Variants in NR3C1 observed in about 807,000 individuals in gnomAD.
The protein encoded by NR3C1 is glucocorticoid receptor.
In NR3C1, 14 loss-of-function variants were observed where a neutral mutation model predicts 74.0. The ratio of observed to expected loss-of-function variants is 0.19; its 90% CI spans 0.12 to 0.30. The LOEUF (loss-of-function observed/expected upper bound fraction) is 0.30. Ranked by LOEUF, NR3C1 falls within the 10% of genes least tolerant of loss-of-function variation. The pLI, the probability that NR3C1 is intolerant of heterozygous loss-of-function variation, is 1.00. For missense variants in NR3C1, 695 were observed against 909.8 expected (o/e 0.76, Z 3.04); for synonymous variants, 308 against 332.5 (o/e 0.93, Z 0.80).
At chr5:143,304,790 A>T (rs1488607055) in intron 4 of NR3C1, among the ~76,000 whole-genome samples, 3 of 152,176 alleles carry the variant, frequency 2.0e-5, no homozygotes, top group Non-Finnish European at 4.4e-5. Context: ...GATAAAAATA[A>T]GCCATAGGGA....
intron 3 of NR3C1, among the ~76,000 whole-genome samples, chr5:143,311,166 A>T (rs1490804093): frequency 1.3e-5 from 2 of 152,214 alleles, no homozygotes; most frequent in Non-Finnish European, 2.9e-5. Flanking sequence ...TGGACAGAAA[A>T]TGGAAGCACT....
At chr5:143,366,483 C>T (rs1192160150) in intron 2 of NR3C1, among the ~76,000 whole-genome samples, 1 of 148,930 alleles carries the variant, frequency 6.7e-6, no homozygotes, top group Admixed American at 6.7e-5. Flanking sequence ...GCACTCTAGA[C>T]TGGGTGACAA....
intron 2 of NR3C1, among the ~76,000 whole-genome samples, chr5:143,360,111 A>G (rs973872791): frequency 7.2e-5 from 11 of 152,214 alleles, no homozygotes; most frequent in African/African-American, 2.7e-4. Context: ...AAAATTTTAA[A>G]GTCACAGTTT....
chr5:143,424,533 T>A (rs1026950012), intron 1 of NR3C1, among the ~76,000 whole-genome samples: 1 of 152,026 alleles, frequency 6.6e-6, no homozygotes, highest in African/African-American at 2.4e-5. Context: ...AAAAACTTTT[T>A]AAAAGAAAAA....
chr5:143,386,101 G>C (rs1222697606), intron 2 of NR3C1, among the ~76,000 whole-genome samples: 1 of 152,192 alleles, frequency 6.6e-6, no homozygotes, highest in African/African-American at 2.4e-5. Flanking sequence ...TCACATGGCA[G>C]AGCAGGAGAG....
At chr5:143,378,208 C>T (rs1343804255) in intron 2 of NR3C1, among the ~76,000 whole-genome samples, 1 of 151,850 alleles carries the variant, frequency 6.6e-6, no homozygotes, top group Non-Finnish European at 1.5e-5. Flanking sequence ...CCAAGTTTGC[C>T]CCATTGCACT....
At chr5:143,396,030 G>T (rs529124169) in intron 2 of NR3C1, among the ~76,000 whole-genome samples, 3 of 151,868 alleles carry the variant, frequency 2.0e-5, no homozygotes, top group African/African-American at 7.2e-5. Context: ...AAAGTGGTCA[G>T]ACTAAAATAC....
rs1257579303 is a variant in NR3C1 at position 143,280,686 on chromosome 5, AC to A, written c.*1202del. The A allele has an allele frequency of 6.5e-6, 1 of 152,718 alleles. No individual in the cohort carries two copies. Among genetic ancestry groups the A allele is most frequent in the East Asian group, 1.9e-4 (1 of 5,188 alleles). 9.5% of individuals were successfully genotyped at this position (152,718 alleles called of 1,614,324 possible). On this transcript the variant is annotated 3_prime_UTR_variant, in exon 9 of 9. Coordinates refer to ENST00000394464, the MANE Select transcript of NR3C1 (RefSeq NM_000176.3). ...AAAATCAGTAGCTGAGCTTTCCTGT[AC>A]CATCAGGAAAGATTAACCAATTGGT...
intron 6 of NR3C1, among the ~76,000 whole-genome samples, chr5:143,297,838 T>C (rs998674645): frequency 1.3e-5 from 2 of 151,962 alleles, no homozygotes. Context: ...AAAGGATGGA[T>C]GGGAATGAAG....
At chr5:143,349,340 T>C (rs985831736) in intron 2 of NR3C1, among the ~76,000 whole-genome samples, 3 of 152,210 alleles carry the variant, frequency 2.0e-5, no homozygotes, top group Admixed American at 6.6e-5. Flanking sequence ...CTCTTCATGA[T>C]GACTCATCAT....
chr5:143,300,543 G>C lies in NR3C1; in HGVS notation c.1689C>G (p.Leu563=). ...PDSTWRIMTT[L]NMLGGRQVIA... ...TCACTTGCCGCCCTCCTAACATGTT[G>C]AGCGTAGTCATGATCCTCCAAGTTG... Residue 563 remains leucine (L), a synonymous_variant, in exon 5 of 9, where the codon CTC becomes CTG. Transcript: ENST00000394464. The surrounding 1 kb of genome is among the most constrained non-coding windows in gnomAD (Gnocchi z 5.2). 6.2e-7 allele frequency: 1 copy of C among 1,614,134 alleles called. No individual in the cohort carries two copies. Among genetic ancestry groups the C allele is most frequent in the Non-Finnish European group, 8.5e-7 (1 of 1,180,012 alleles).
At chr5:143,380,479 A>G (rs967864932) in intron 2 of NR3C1, among the ~76,000 whole-genome samples, 1 of 152,216 alleles carries the variant, frequency 6.6e-6, no homozygotes, top group Non-Finnish European at 1.5e-5. Context: ...CTTTAAGAAG[A>G]AGCCAAAGTA....
intron 2 of NR3C1, among the ~76,000 whole-genome samples, chr5:143,331,750 CAAAG>C (rs879799553): frequency 6.6e-6 from 1 of 152,074 alleles, no homozygotes; most frequent in Non-Finnish European, 1.5e-5. Flanking sequence ...CACAGGGACA[CAAAG>C]AAGGGAAGGA....
upstream of NR3C1, chr5:143,405,340 C>T: frequency 9.1e-6 from 9 of 985,658 alleles, no homozygotes; most frequent in Non-Finnish European, 1.1e-5. Context: ...TCACCTCCCG[C>T]CGCGCTCAGA....
intron 2 of NR3C1, among the ~76,000 whole-genome samples, chr5:143,380,425 G>A (rs1835981687): frequency 1.3e-5 from 2 of 152,090 alleles, no homozygotes; most frequent in South Asian, 4.1e-4. Context: ...TTTATTTGAA[G>A]AGGCAGAACC....
chr5:143,425,972 G>A (rs6882102), intron 1 of NR3C1, among the ~76,000 whole-genome samples: 146,998 of 152,312 alleles, frequency 0.97, 71,152 homozygotes, highest in Middle Eastern at 1. Flanking sequence ...AACAGCCTAA[G>A]TGATCAGCTC....
chr5:143,331,357 T>C (rs1233462978), intron 2 of NR3C1, among the ~76,000 whole-genome samples: 2 of 152,190 alleles, frequency 1.3e-5, no homozygotes, highest in African/African-American at 4.8e-5. Context: ...ATCCAGCCAT[T>C]GTGGAAAGCA....
At chr5:143,314,907 C>G (rs1031872550) in intron 2 of NR3C1, among the ~76,000 whole-genome samples, 2 of 152,064 alleles carry the variant, frequency 1.3e-5, no homozygotes, top group Admixed American at 6.5e-5. Context: ...TCCATTCTGC[C>G]CACTCCACTC....
upstream of NR3C1, chr5:143,405,157 G>A (rs1308555385): frequency 2.0e-6 from 2 of 985,458 alleles, no homozygotes; most frequent in Non-Finnish European, 1.2e-6. Context: ...TACCTTGTGC[G>A]GCACAGATTA....
Sources: gnomAD v4.1 joint callset for allele counts (sites outside exome capture counted in the v4.1 genomes callset) on GRCh38, gnomAD v4.1.1 for gene constraint, Gnocchi (gnomAD v3.1) non-coding constraint, MANE v1.5 for transcripts, NCBI Gene and HGNC (gene_info 2026-07-23, HGNC 2026-07-21) for gene names.